Variants in GATA4 observed in about 807,000 individuals in gnomAD.
GATA4 encodes GATA binding protein 4.
In GATA4, 7 loss-of-function variants were observed where a neutral mutation model predicts 37.9. The observed-to-expected ratio is 0.18, with a 90% CI of 0.11 to 0.35. GATA4 has a LOEUF of 0.35. Ranked by LOEUF, GATA4 falls within the 10% of genes least tolerant of loss-of-function variation. The pLI is 1.00. For missense variants in GATA4, 647 were observed against 653.0 expected (o/e 0.99, Z 0.10); for synonymous variants, 372 against 292.6 (o/e 1.27, Z -2.77).
chr8:11,695,417 T>G (rs796586667), intron 1 of GATA4, among the ~76,000 whole-genome samples: 1 of 150,926 alleles, frequency 6.6e-6, no homozygotes, highest in Non-Finnish European at 1.5e-5. Flanking sequence ...AAAAAAAAAA[T>G]AAATAAAATA....
At chr8:11,696,792 G>T (rs888611651) in intron 1 of GATA4, among the ~76,000 whole-genome samples, 1 of 152,218 alleles carries the variant, frequency 6.6e-6, no homozygotes, top group South Asian at 2.1e-4. Flanking sequence ...CTTCAGAGGT[G>T]CAGCAAAGAC....
intron 2 of GATA4, among the ~76,000 whole-genome samples, chr8:11,717,141 G>T (rs1800469563): frequency 1.3e-5 from 2 of 152,154 alleles, no homozygotes; most frequent in African/African-American, 4.8e-5. Flanking sequence ...ACATAAACTG[G>T]TTACTAAGAG....
At chr8:11,715,924 A>T (rs1800415884) in intron 2 of GATA4, among the ~76,000 whole-genome samples, 1 of 152,058 alleles carries the variant, frequency 6.6e-6, no homozygotes, top group Admixed American at 6.6e-5. Context: ...TTTCTTATGA[A>T]TTTGACCACT....
chr8:11,726,210 T>A (rs577967084), intron 2 of GATA4, among the ~76,000 whole-genome samples: 7 of 152,260 alleles, frequency 4.6e-5, no homozygotes, highest in Admixed American at 6.5e-5. Flanking sequence ...TGCTGAGACA[T>A]CTTCGGCGGG....
chr8:11,744,231 C>G lies in GATA4; in HGVS notation c.617-4685C>G, dbSNP rs149102419. Among the ~76,000 whole-genome samples, 763 of 152,364 alleles carry G rather than the reference C, an allele frequency of 5.0e-3. 5 individuals are homozygous for G. Among genetic ancestry groups the G allele is most frequent in the South Asian group, 0.021 (101 of 4,828 alleles). On this transcript the variant is annotated intron_variant, in intron 2 of 6. Transcript: ENST00000532059. The stretch of plus-strand genomic sequence containing the variant: ...AGTTTGTCCTGGTCTTTCCCACTCC[C>G]TCCTGACCCCTCCAACTTCAGCCTC...
intron 1 of GATA4, among the ~76,000 whole-genome samples, chr8:11,677,616 C>T (rs967686479): frequency 6.6e-6 from 1 of 152,210 alleles, no homozygotes; most frequent in Non-Finnish European, 1.5e-5. Flanking sequence ...TCAGACCCAG[C>T]CCACTTTGCT....
chr8:11,713,494 C>T (rs1386276599), intron 2 of GATA4, among the ~76,000 whole-genome samples: 2 of 151,860 alleles, frequency 1.3e-5, no homozygotes, highest in African/African-American at 4.8e-5. Flanking sequence ...AACTGGAGAG[C>T]CCTAGGGGAA....
intron 2 of GATA4, among the ~76,000 whole-genome samples, chr8:11,715,041 C>T (rs929139343): frequency 6.6e-6 from 1 of 152,080 alleles, no homozygotes; most frequent in Non-Finnish European, 1.5e-5. Flanking sequence ...AATGTGCATC[C>T]TTAGGGGAAT....
intron 6 of GATA4, 110 bp from the exon 7 acceptor site, chr8:11,758,183 C>T: frequency 9.4e-7 from 1 of 1,063,196 alleles, no homozygotes; most frequent in Non-Finnish European, 1.5e-6. Flanking sequence ...TTCCTGAGGG[C>T]TGAAGCCATC....
upstream of GATA4, among the ~76,000 whole-genome samples, chr8:11,702,190 G>A (rs1431700862): frequency 6.6e-6 from 1 of 152,164 alleles, no homozygotes; most frequent in Non-Finnish European, 1.5e-5. The surrounding 1 kb of genome is among the most constrained non-coding windows in gnomAD (Gnocchi z 4.4). Context: ...CCTTGGCTGT[G>A]GGGAGGACGT....
rs577152091 is a variant in GATA4, at chr8:11,738,201, A to C, written c.617-10715A>C. 1.5e-4 allele frequency among the ~76,000 whole-genome samples: 23 copies of C among 148,674 alleles called. 1 individual carries two copies. In the East Asian group the frequency reaches 4.7e-3, roughly 30 times the overall value. Reference sequence around the variant, plus strand: ...GTCTCAAAAAAAAAAAAAAAAAATCACTATCACAAATAAGAAATACATTAA... The same window carrying C: ...GTCTCAAAAAAAAAAAAAAAAAATCCCTATCACAAATAAGAAATACATTAA... On this transcript the variant is annotated intron_variant, in intron 2 of 6. Transcript: ENST00000532059.
At chr8:11,719,692 A>C (rs62489323) in intron 2 of GATA4, among the ~76,000 whole-genome samples, 3,973 of 152,294 alleles carry the variant, frequency 0.026, 101 homozygotes, top group African/African-American at 0.078. Flanking sequence ...ATTATTAAGT[A>C]GTCGTGCAAG....
rs1802159110 is a variant in GATA4 at position 11,748,914 on chromosome 8, A to G, written c.617-2A>G. 1 of 1,614,096 alleles carries G rather than the reference A, an allele frequency of 6.2e-7. No homozygotes were observed. Among genetic ancestry groups the G allele is most frequent in the African/African-American group, 1.3e-5 (1 of 74,930 alleles). On this transcript the variant is annotated splice_acceptor_variant, in intron 2 of 6. Coordinates refer to ENST00000532059, the MANE Select transcript of GATA4 (RefSeq NM_001308093.3). LOFTEE classifies it high-confidence loss of function. ...TTTTCTTGTCTGTTCCCCCCAACTC[A>G]GTAGATATGTTTGACGACTTCTCAG...
intron 2 of GATA4, among the ~76,000 whole-genome samples, chr8:11,735,497 C>T (rs1369880307): frequency 6.6e-6 from 1 of 152,220 alleles, no homozygotes; most frequent in Non-Finnish European, 1.5e-5. Flanking sequence ...AAATTGTTAG[C>T]CACCTCTGCC....
At chr8:11,710,844 G>A (rs1800150219) in intron 2 of GATA4, among the ~76,000 whole-genome samples, 1 of 152,160 alleles carries the variant, frequency 6.6e-6, no homozygotes, top group Admixed American at 6.5e-5. Flanking sequence ...AATACCCGCC[G>A]GGCGCGGTGT....
At chr8:11,738,962 A>G (rs1359904352) in intron 2 of GATA4, among the ~76,000 whole-genome samples, 1 of 152,196 alleles carries the variant, frequency 6.6e-6, no homozygotes, top group Non-Finnish European at 1.5e-5. Flanking sequence ...CTGTACCCCG[A>G]AGGGAGGGCC....
intron 5 of GATA4, 55 bp from the exon 6 acceptor site, chr8:11,756,880 G>T (rs1802595738): frequency 6.2e-7 from 1 of 1,613,584 alleles, no homozygotes; most frequent in East Asian, 2.2e-5. Context: ...CAGGCTGCCG[G>T]CTGTTCGTTT....
intron 1 of GATA4, among the ~76,000 whole-genome samples, chr8:11,705,644 A>G (rs937679262): frequency 2.0e-5 from 3 of 152,198 alleles, no homozygotes; most frequent in Non-Finnish European, 2.9e-5. Flanking sequence ...TCCAGGCTCA[A>G]TTTCAACAAC....
chr8:11,683,223 G>C (rs976172687), intron 1 of GATA4: 7 of 774,864 alleles, frequency 9.0e-6, no homozygotes, highest in South Asian at 5.8e-5. Context: ...TATCCGGAGC[G>C]GGGGAGGACG....
Sources: gnomAD v4.1 joint callset for allele counts (sites outside exome capture counted in the v4.1 genomes callset) on GRCh38, gnomAD v4.1.1 for gene constraint, Gnocchi (gnomAD v3.1) non-coding constraint, MANE v1.5 for transcripts, NCBI Gene and HGNC (gene_info 2026-07-23, HGNC 2026-07-21) for gene names.